EIF4E: variants seen among roughly 807,000 people sequenced by gnomAD.
EIF4E encodes eIF-4F 25 kDa subunit.
For missense variants in EIF4E, 113 were observed against 265.6 expected, an observed-to-expected ratio of 0.43 and a Z score of 3.99; for synonymous variants, 71 against 88.5, an observed-to-expected ratio of 0.80 and a Z score of 1.11.
chr4:98,904,998 T>A (rs1424272161), intron 1 of EIF4E, among the ~76,000 whole-genome samples: 1 of 152,052 alleles, frequency 6.6e-6, no homozygotes, highest in East Asian at 1.9e-4. Context: ...ATATGGGAAC[T>A]AAAAAATATT....
At chr4:98,896,502 A>AC (rs991024210) in intron 2 of EIF4E, among the ~76,000 whole-genome samples, 2 of 148,262 alleles carry the variant, frequency 1.3e-5, no homozygotes, top group Non-Finnish European at 3.0e-5. Flanking sequence ...AAAAAAAAAA[A>AC]AAAAAAAACA....
At chr4:98,883,543 C>A (rs988978486) in intron 6 of EIF4E, among the ~76,000 whole-genome samples, 1 of 151,388 alleles carries the variant, frequency 6.6e-6, no homozygotes, top group Non-Finnish European at 1.5e-5. Flanking sequence ...GAACTACAGG[C>A]GCCCGCCACC....
At chr4:98,884,809 T>C in intron 6 of EIF4E, 113 bp downstream of exon 6, 2 of 1,418,818 alleles carry the variant, frequency 1.4e-6, no homozygotes, top group Non-Finnish European at 1.9e-6. Context: ...ACGAAAACAA[T>C]ACAAGGAAAA....
chr4:98,916,746 A>C (rs1725396886), intron 1 of EIF4E, among the ~76,000 whole-genome samples: 1 of 152,162 alleles, frequency 6.6e-6, no homozygotes. Context: ...ATGTCCAGCC[A>C]AACTACAGGT....
chr4:98,885,859 C>A (rs1361721480), intron 5 of EIF4E, among the ~76,000 whole-genome samples: 2 of 152,152 alleles, frequency 1.3e-5, no homozygotes, highest in Non-Finnish European at 1.5e-5. Context: ...GTACAACCAT[C>A]CCTACTACCA....
chr4:98,928,543 G>A (rs1289916284), intron 1 of EIF4E, among the ~76,000 whole-genome samples: 1 of 151,848 alleles, frequency 6.6e-6, no homozygotes, highest in African/African-American at 2.4e-5. Flanking sequence ...CACCACTCCC[G>A]CCTAACCCAC....
chr4:98,909,710 T>C (rs1247601255), intron 1 of EIF4E: 10 of 708,922 alleles, frequency 1.4e-5, no homozygotes, highest in Admixed American at 1.4e-4. Flanking sequence ...GCCTGCTTTT[T>C]AATGGCATCA....
chr4:98,922,885 G>GT (rs1163716174), intron 1 of EIF4E, among the ~76,000 whole-genome samples: 3 of 119,796 alleles, frequency 2.5e-5, no homozygotes, highest in Non-Finnish European at 5.1e-5. Context: ...TTTCAGTCTT[G>GT]TTGCCCAGGC....
intron 1 of EIF4E, among the ~76,000 whole-genome samples, chr4:98,917,696 T>C (rs1193269269): frequency 1.3e-5 from 2 of 152,148 alleles, no homozygotes; most frequent in Non-Finnish European, 1.5e-5. Context: ...GGGCCAAAGA[T>C]ACAAGAATGT....
intron 1 of EIF4E, among the ~76,000 whole-genome samples, chr4:98,910,120 G>A (rs1182985902): frequency 6.6e-6 from 1 of 152,132 alleles, no homozygotes; most frequent in Non-Finnish European, 1.5e-5. Flanking sequence ...TCTATTTACA[G>A]TAAAGGAATA....
At chr4:98,894,323 A>T (rs554226728) in intron 2 of EIF4E, among the ~76,000 whole-genome samples, 1 of 152,316 alleles carries the variant, frequency 6.6e-6, no homozygotes, top group South Asian at 2.1e-4. Flanking sequence ...CTAGGCAATG[A>T]CTTCTCTCTA....
In EIF4E at chr4:98,887,128, A is replaced by C; in HGVS notation, c.350T>G (p.Leu117Trp). 6.2e-7 allele frequency: 1 copy of C among 1,613,982 alleles called. No homozygotes were observed. Among genetic ancestry groups the C allele is most frequent in the Non-Finnish European group, 8.5e-7 (1 of 1,179,918 alleles). The change falls in exon 5 of 7, where the codon TTG becomes TGG. Residue 117 changes from leucine to tryptophan, a missense_variant. Leu to Trp is a moderately conservative substitution (Grantham distance 61, BLOSUM62 -2). Transcript: ENST00000450253. The surrounding 1 kb of genome is among the most constrained non-coding windows in gnomAD (Gnocchi z 4.0). Reference sequence around the variant, plus strand: ...GTCACTTCGTCTCTGCTGTTTGTTCAATGTAATTAGCCATCGTCCTCCCCG... The same window carrying C: ...GTCACTTCGTCTCTGCTGTTTGTTCCATGTAATTAGCCATCGTCCTCCCCG... ...NKRGGRWLIT[L>W]NKQQRRSDLD...
At chr4:98,883,544 G>A (rs191436659) in intron 6 of EIF4E, among the ~76,000 whole-genome samples, 3 of 151,524 alleles carry the variant, frequency 2.0e-5, no homozygotes, top group Non-Finnish European at 4.4e-5. Flanking sequence ...AACTACAGGC[G>A]CCCGCCACCA....
intron 1 of EIF4E, among the ~76,000 whole-genome samples, chr4:98,904,565 G>A (rs1472830838): frequency 6.6e-6 from 1 of 152,214 alleles, no homozygotes; most frequent in East Asian, 1.9e-4. Flanking sequence ...GAGCTCAGGA[G>A]TTCAAGACCA....
intron 2 of EIF4E, chr4:98,895,513 CA>C: frequency 6.6e-6 from 1 of 152,080 alleles, no homozygotes; most frequent in East Asian, 1.9e-4. Flanking sequence ...AAGAGCCTTC[CA>C]AATTGAATAT....
At chr4:98,915,479 A>G (rs944724160) in intron 1 of EIF4E, among the ~76,000 whole-genome samples, 5 of 152,160 alleles carry the variant, frequency 3.3e-5, no homozygotes, top group African/African-American at 1.2e-4. Flanking sequence ...TGGACTGCTC[A>G]GTGTATTCCA....
At chr4:98,919,558 C>CT (rs532537834) in intron 1 of EIF4E, among the ~76,000 whole-genome samples, 5,572 of 131,864 alleles carry the variant, frequency 0.042, 176 homozygotes, top group African/African-American at 0.073. Context: ...GATTCTTTTT[C>CT]TTTTTTTTTT....
At chr4:98,921,010 T>C (rs1390407483) in intron 1 of EIF4E, among the ~76,000 whole-genome samples, 1 of 152,192 alleles carries the variant, frequency 6.6e-6, no homozygotes, top group Non-Finnish European at 1.5e-5. Context: ...ATGTTAATTA[T>C]GAGTTCTATA....
At chr4:98,883,428 T>G (rs1245128134) in intron 6 of EIF4E, among the ~76,000 whole-genome samples, 4 of 129,882 alleles carry the variant, frequency 3.1e-5, no homozygotes, top group Non-Finnish European at 6.3e-5. Context: ...TGAGACAGTC[T>G]CGCTCTGTCT....
Sources: allele counts gnomAD v4.1 joint callset (sites outside exome capture counted in the v4.1 genomes callset), GRCh38; gene constraint gnomAD v4.1.1; non-coding constraint Gnocchi (gnomAD v3.1); transcripts MANE v1.5; gene names NCBI Gene and HGNC (gene_info 2026-07-23, HGNC 2026-07-21).